PTPRJ: variants seen among roughly 807,000 people sequenced by gnomAD.
The protein encoded by PTPRJ is protein tyrosine phosphatase receptor type J, also known as receptor-type tyrosine-protein phosphatase eta.
Under a neutral mutation model 141.3 loss-of-function variants are expected in PTPRJ, and 129 were observed. The observed-to-expected ratio is 0.91, with a 90% CI of 0.79 to 1.06. The LOEUF is 1.06. Ranked by LOEUF, PTPRJ falls within the 50% of genes least tolerant of loss-of-function variation. The pLI is 0.00. For missense variants in PTPRJ, 1,601 were observed against 1,679.7 expected (o/e 0.95, Z 0.82); for synonymous variants, 610 against 640.5 (o/e 0.95, Z 0.72).
intron 1 of PTPRJ, among the ~76,000 whole-genome samples, chr11:48,067,472 A>G (rs1339767181): frequency 1.3e-5 from 2 of 152,168 alleles, no homozygotes; most frequent in Non-Finnish European, 2.9e-5. Context: ...AAAGTTTCAG[A>G]CTTTCTTAGG....
intron 3 of PTPRJ, 140 bp from the exon 4 acceptor site, chr11:48,120,863 G>A (rs1474112829): frequency 1.4e-6 from 1 of 721,392 alleles, no homozygotes; most frequent in Middle Eastern, 4.0e-4. Context: ...AAATTCTGGT[G>A]CAGGGAAGTC....
At chr11:48,103,924 A>T (rs1421879405) in intron 1 of PTPRJ, among the ~76,000 whole-genome samples, 1 of 152,222 alleles carries the variant, frequency 6.6e-6, no homozygotes, top group East Asian at 1.9e-4. Flanking sequence ...GCGGAAGATG[A>T]GCCAGCGGGG....
chr11:48,021,609 G>A (rs867616739), intron 1 of PTPRJ, among the ~76,000 whole-genome samples: 15 of 151,676 alleles, frequency 9.9e-5, no homozygotes, highest in East Asian at 1.9e-4. Flanking sequence ...TAACCAGCAC[G>A]GCACCCTGCC....
chr11:48,139,467 T>C lies in PTPRJ; in HGVS notation c.2153-19T>C, dbSNP rs1366897219. 2.5e-6 allele frequency: 4 copies of C among 1,611,504 alleles called. No individual in the cohort carries two copies. Among genetic ancestry groups the C allele is most frequent in the Non-Finnish European group, 3.4e-6 (4 of 1,177,896 alleles). On this transcript the variant is annotated intron_variant, in intron 10 of 24. Transcript: ENST00000418331. ...GCAAAAGTCCCGGAATCTCATGCTG[T>C]GCTGTACTTGCTTTGCAGATCCTGC... is the stretch of plus-strand genomic sequence containing the variant.
intron 1 of PTPRJ, among the ~76,000 whole-genome samples, chr11:48,075,239 G>T (rs1248754494): frequency 3.3e-5 from 5 of 152,192 alleles, no homozygotes; most frequent in Middle Eastern, 6.8e-3. Context: ...TGCCTCCTGG[G>T]TTCAGGTGAT....
intron 1 of PTPRJ, among the ~76,000 whole-genome samples, chr11:48,005,721 G>A (rs1037401461): frequency 3.9e-5 from 6 of 152,242 alleles, no homozygotes; most frequent in Non-Finnish European, 5.9e-5. Flanking sequence ...GAACTGGGGA[G>A]TGGTGTTTGG....
chr11:48,163,503 T>C lies in PTPRJ; in HGVS notation c.3604T>C (p.Ser1202Pro). The stretch of plus-strand genomic sequence containing the variant: ...CCCTCTGAGACAGTTCCATTTCACC[T>C]CCTGGCCAGACCACGGTGTTCCCGA... ...SHPLRQFHFTSWPDHGVPDTT... is the reference protein window; with the variant it reads ...SHPLRQFHFTPWPDHGVPDTT... Residue 1202 changes from serine to proline, a missense_variant, in exon 23 of 25, where the codon TCC (serine) becomes CCC (proline). By Grantham distance (74) the Ser-to-Pro change is moderately conservative. Coordinates refer to ENST00000418331, the MANE Select transcript of PTPRJ (RefSeq NM_002843.4). 1 of 1,614,060 alleles carries C rather than the reference T, an allele frequency of 6.2e-7. No homozygotes were observed. Among genetic ancestry groups the C allele is most frequent in the Non-Finnish European group, 8.5e-7 (1 of 1,179,970 alleles).
At chr11:48,166,289 G>A (rs67256466) in intron 24 of PTPRJ, among the ~76,000 whole-genome samples, 7,953 of 150,672 alleles carry the variant, frequency 0.053, 224 homozygotes, top group Middle Eastern at 0.093. Flanking sequence ...ACACACACAC[G>A]CACACACAGT....
intron 1 of PTPRJ, among the ~76,000 whole-genome samples, chr11:48,014,997 TC>T (rs1018817552): frequency 1.6e-4 from 25 of 152,252 alleles, no homozygotes; most frequent in Non-Finnish European, 3.1e-4. Context: ...TGAGCCACTG[TC>T]CCAGGCCAGA....
intron 1 of PTPRJ, among the ~76,000 whole-genome samples, chr11:48,094,935 C>A (rs1035399244): frequency 3.3e-5 from 5 of 152,116 alleles, no homozygotes; most frequent in Non-Finnish European, 5.9e-5. Context: ...TGAATCTTTG[C>A]CCAGCCCTGA....
chr11:48,014,250 A>G (rs1234669655), intron 1 of PTPRJ, among the ~76,000 whole-genome samples: 1 of 152,126 alleles, frequency 6.6e-6, no homozygotes, highest in Non-Finnish European at 1.5e-5. Context: ...AAGGGGAGGT[A>G]TTGTGGTTAA....
intron 10 of PTPRJ, among the ~76,000 whole-genome samples, chr11:48,137,716 G>A (rs1489763604): frequency 6.6e-6 from 1 of 152,212 alleles, no homozygotes; most frequent in Non-Finnish European, 1.5e-5. Flanking sequence ...TGGAGGAAGA[G>A]CAGGAGGCAA....
At chr11:48,061,008 C>CT (rs1360535624) in intron 1 of PTPRJ, among the ~76,000 whole-genome samples, 1 of 151,972 alleles carries the variant, frequency 6.6e-6, no homozygotes, top group Non-Finnish European at 1.5e-5. Flanking sequence ...TCCTTTCTTT[C>CT]TTTTTTTTGG....
intron 22 of PTPRJ, among the ~76,000 whole-genome samples, chr11:48,161,146 A>T (rs573144634): frequency 2.3e-5 from 3 of 131,742 alleles, no homozygotes; most frequent in South Asian, 2.5e-4. Context: ...CCACTGCTGC[A>T]CTCTAGCCTG....
chr11:47,993,872 A>G (rs544466640), intron 1 of PTPRJ, among the ~76,000 whole-genome samples: 2 of 149,098 alleles, frequency 1.3e-5, no homozygotes, highest in African/African-American at 5.0e-5. Context: ...TCTGTTGCCC[A>G]GGCTGGAGTG....
intron 1 of PTPRJ, among the ~76,000 whole-genome samples, chr11:48,097,415 T>C (rs1856037956): frequency 2.6e-5 from 4 of 152,176 alleles, no homozygotes; most frequent in African/African-American, 7.2e-5. Flanking sequence ...TAAGCATTGA[T>C]TTACATCTGT....
At chr11:48,036,047 A>G (rs1854116687) in intron 1 of PTPRJ, among the ~76,000 whole-genome samples, 1 of 152,232 alleles carries the variant, frequency 6.6e-6, no homozygotes, top group African/African-American at 2.4e-5. Flanking sequence ...TTCTCAGTCA[A>G]TAGCTGGGTA....
chr11:48,024,338 C>T (rs1853748544), intron 1 of PTPRJ, among the ~76,000 whole-genome samples: 1 of 152,172 alleles, frequency 6.6e-6, no homozygotes, highest in Non-Finnish European at 1.5e-5. Context: ...GCTGGGACTA[C>T]AGACGCATGC....
intron 1 of PTPRJ, among the ~76,000 whole-genome samples, chr11:47,993,238 C>T (rs777028750): frequency 3.7e-4 from 57 of 152,084 alleles, no homozygotes; most frequent in Non-Finnish European, 6.9e-4. Context: ...GTTGTGTGTT[C>T]CTTTGGTAAA....
Sources: gnomAD v4.1 joint callset for allele counts (sites outside exome capture counted in the v4.1 genomes callset) on GRCh38, gnomAD v4.1.1 for gene constraint, MANE v1.5 for transcripts, NCBI Gene and HGNC (gene_info 2026-07-23, HGNC 2026-07-21) for gene names.